Variants in TTN observed in about 807,000 individuals in gnomAD.
The protein encoded by TTN is connectin.
TTN carries 1,525 observed loss-of-function variants against 3,223.0 expected under a neutral mutation model. That is an observed-to-expected ratio of 0.47 (90% CI 0.45 to 0.49). The LOEUF is 0.49. Ranked by LOEUF, TTN falls within the 20% of genes least tolerant of loss-of-function variation. The pLI, the probability that TTN is intolerant of heterozygous loss-of-function variation, is 0.00. For missense variants in TTN, 40,786 were observed against 43,424.0 expected (o/e 0.94, Z 5.40); for synonymous variants, 14,094 against 15,161.0 (o/e 0.93, Z 5.17).
intron 221 of TTN, 32 bp from the exon 222 acceptor site, chr2:178,640,142 TA>T: frequency 6.3e-7 from 1 of 1,597,390 alleles, no homozygotes; most frequent in Non-Finnish European, 8.5e-7. Context: ...GGCAGATTAT[TA>T]CAGGATTTTT....
At chr2:178,682,399 C>G (rs1005732115) in intron 135 of TTN, among the ~76,000 whole-genome samples, 18 of 151,878 alleles carry the variant, frequency 1.2e-4, no homozygotes, top group African/African-American at 4.1e-4. Flanking sequence ...AAACTTGTAA[C>G]CTTTTTGAAA....
chr2:178,583,064 G>A lies in TTN; in HGVS notation c.65739C>T (p.Ala21913=), dbSNP rs1284931621. ...CCAAGGTGCACAGATTCCGCTGCATGGCCATCTTTATGCCTTCTGCTGGTT... is the reference window on the plus strand; with the variant it reads ...CCAAGGTGCACAGATTCCGCTGCATAGCCATCTTTATGCCTTCTGCTGGTT... ...LLKPAEGIKM[A]MQRNLCTLEL... The change falls in exon 313 of 363, where the codon GCC becomes GCT. Residue 21913 remains alanine, a synonymous_variant. Coordinates refer to ENST00000589042, the MANE Select transcript of TTN (RefSeq NM_001267550.2). The A allele has an allele frequency of 6.2e-7, 1 of 1,611,380 alleles. No individual in the cohort carries two copies. Among genetic ancestry groups the A allele is most frequent in the South Asian group, 1.1e-5 (1 of 90,822 alleles).
At chr2:178,583,368 C>T (rs2048210187) in intron 312 of TTN, 141 bp from the exon 313 acceptor site, 1 of 903,450 alleles carries the variant, frequency 1.1e-6, no homozygotes, top group South Asian at 2.7e-5. Flanking sequence ...TTTTAATAGA[C>T]AAATAATAAC....
Position 178,634,191 on chromosome 2 carries a change from T to C in TTN, c.42416-108A>G. Reference sequence around the variant, plus strand: ...ACCCATTTCACATGGCACTTATTTATTCATCTTTCCAAATAGAGCTCCACT... The same window carrying C: ...ACCCATTTCACATGGCACTTATTTACTCATCTTTCCAAATAGAGCTCCACT... On this transcript the variant is annotated intron_variant, in intron 230 of 362. Coordinates refer to ENST00000589042, the MANE Select transcript of TTN (RefSeq NM_001267550.2). This position sits in a 1 kb window ranked among gnomAD's most constrained non-coding sequence, Gnocchi z 4.6. 1 of 1,509,290 alleles carries C rather than the reference T, an allele frequency of 6.6e-7. No homozygotes were observed. Among genetic ancestry groups the C allele is most frequent in the East Asian group, 2.3e-5 (1 of 42,636 alleles). The allele number at this position is 1,509,290 out of a possible 1,614,324, so 93.5% of individuals were successfully genotyped here.
In TTN at chr2:178,800,599, C is replaced by T. The variant is rs749010768; in HGVS notation, c.379G>A (p.Val127Met). The change falls in exon 4 of 363, where the codon GTG (valine) becomes ATG (methionine). Residue 127 changes from valine to methionine, a missense_variant. By Grantham distance (21) the Val-to-Met change is conservative. Transcript: ENST00000589042. ...ACCACAGGTGTAGGGATTCCAGTCA[C>T]TCTCACTTGGAGTCTCACTTGGCTT... Reference protein sequence around the residue: ...QGSQVRLQVRVTGIPTPVVKF... With the variant: ...QGSQVRLQVRMTGIPTPVVKF... 3.7e-6 allele frequency: 6 copies of T among 1,613,930 alleles called. No individual in the cohort carries two copies. Among genetic ancestry groups the T allele is most frequent in the Non-Finnish European group, 5.1e-6 (6 of 1,179,850 alleles).
chr2:178,695,917 T>G lies in TTN; in HGVS notation c.31155A>C (p.Glu10385Asp). The change falls in exon 114 of 363, where the codon GAA becomes GAC. Residue 10385 changes from glutamate (E) to aspartate (D), a missense_variant. Transcript: ENST00000589042. ...TTACTTCCCTTTCTTGGTAAGCCTC[T>G]TCCCACTCTTCCTCCCCTTCGTCAT... ...EGYDEGEEEWEEAYQEREVIQ... is the reference protein window; with the variant it reads ...EGYDEGEEEWDEAYQEREVIQ... 6.7e-7 allele frequency: 1 copy of G among 1,485,286 alleles called. No homozygotes were observed. The allele number at this position is 1,485,286 out of a possible 1,614,324, so 92.0% of individuals were successfully genotyped here. A position where few individuals can be genotyped will look rare whatever the true frequency, so the allele number is the denominator to read the frequency against.
Position 178,572,768 on chromosome 2 carries a change from C to T in TTN, c.73364G>A (p.Arg24455Lys). The change falls in exon 326 of 363, where the codon AGG becomes AAG. Residue 24455 changes from arginine to lysine, a missense_variant. Physicochemically the swap from Arg to Lys is conservative, Grantham distance 26. Transcript: ENST00000589042. ...TLRLFVPIKG[R>K]PAPEVKWARD... Reference sequence around the variant, plus strand: ...GGCCCACTTCACCTCAGGTGCAGGCCTTCCTTTGATGGGAACAAAAAGTCT... The same window carrying T: ...GGCCCACTTCACCTCAGGTGCAGGCTTTCCTTTGATGGGAACAAAAAGTCT... 1 of 1,613,494 alleles carries T rather than the reference C, an allele frequency of 6.2e-7. No individual in the cohort carries two copies. The highest frequency in any genetic ancestry group is 8.5e-7 in the Non-Finnish European group (1 of 1,179,604).
intron 199 of TTN, 23 bp from the exon 200 acceptor site, chr2:178,652,954 A>G: frequency 1.2e-6 from 2 of 1,602,658 alleles, no homozygotes; most frequent in South Asian, 2.2e-5. Context: ...TAGTGAAATT[A>G]CATTTAGAAG....
chr2:178,794,286 G>A lies in TTN; in HGVS notation c.1398+113C>T, dbSNP rs535412104. The A allele has an allele frequency of 8.6e-5, 130 of 1,502,968 alleles. No individual in the cohort carries two copies. In the African/African-American group the frequency reaches 1.5e-3, roughly 17 times the overall value. 93.1% of individuals were successfully genotyped at this position (1,502,968 alleles called of 1,614,324 possible). Reference sequence around the variant, plus strand: ...TCTGGGCCCTGCTGGGCTCAAGGCTGTCTTCAGAATGAATTGAGCACAGCT... The same window carrying A: ...TCTGGGCCCTGCTGGGCTCAAGGCTATCTTCAGAATGAATTGAGCACAGCT... On this transcript the variant is annotated intron_variant, in intron 8 of 362. Transcript: ENST00000589042.
At position 178,706,643 on chromosome 2, in the gene TTN, C is replaced by T. The variant is rs760305440; in HGVS notation, c.29231G>A (p.Arg9744His). 5.3e-5 allele frequency: 85 copies of T among 1,613,750 alleles called. 1 individual carries two copies. The highest frequency in any genetic ancestry group is 1.6e-4 in the Middle Eastern group (1 of 6,084). ...GKWRQLNQGG[R>H]VFIHQKGDEA... ...ATCGCCTTTTTGGTGGATGAAAACA[C>T]GACCTCCTTGGTTCAGCTGTCTCCA... The change falls in exon 102 of 363, where the codon CGT becomes CAT. Residue 9744 changes from arginine (R) to histidine (H), a missense_variant. Transcript: ENST00000589042.
intron 239 of TTN, among the ~76,000 whole-genome samples, chr2:178,629,911 T>C (rs2059586415): frequency 1.3e-5 from 2 of 152,066 alleles, no homozygotes; most frequent in African/African-American, 2.4e-5. Flanking sequence ...GGTGCTCTAG[T>C]TGCACAGCCA....
At position 178,565,958 on chromosome 2, in the gene TTN, G is replaced by A. The variant is rs772603198; in HGVS notation, c.80174C>T (p.Ser26725Leu). ...VKNYVIDKRE[S>L]TRKAYANVSS... The stretch of plus-strand genomic sequence containing the variant: ...CACATTAGCATACGCTTTTCTGGTT[G>A]ACTCACGTTTGTCAATCACATAGTT... The change falls in exon 326 of 363, where the codon TCA (serine) becomes TTA (leucine). Residue 26725 changes from serine to leucine, a missense_variant. Transcript: ENST00000589042. 6.2e-7 allele frequency: 1 copy of A among 1,613,546 alleles called. No individual in the cohort carries two copies. Among genetic ancestry groups the A allele is most frequent in the Non-Finnish European group, 8.5e-7 (1 of 1,179,650 alleles).
intron 282 of TTN, among the ~76,000 whole-genome samples, chr2:178,602,804 T>C (rs369330782): frequency 1.3e-5 from 2 of 152,092 alleles, no homozygotes; most frequent in South Asian, 4.1e-4. Context: ...AGCAAACAAC[T>C]AACTGGGAAT....
chr2:178,757,401 G>T, intron 45 of TTN, 141 bp downstream of exon 45: 1 of 1,075,464 alleles, frequency 9.3e-7, no homozygotes, highest in Non-Finnish European at 1.2e-6. Context: ...GACCTAGCGG[G>T]AGTTATTGCA....
intron 350 of TTN, chr2:178,541,080 A>T (rs3820978): frequency 4.1e-5 from 17 of 416,604 alleles, no homozygotes; most frequent in African/African-American, 3.5e-4. Flanking sequence ...AATCGCTAGC[A>T]GCTGGGGTGG....
rs1423024320 is a variant in TTN, at chr2:178,614,916, C to T, written c.48691G>A (p.Ala16231Thr). The change falls in exon 260 of 363, where the codon GCC becomes ACC. Residue 16231 changes from alanine (A) to threonine (T), a missense_variant. Transcript: ENST00000589042. ...TTGCTAGCACCCTGCCTGTTTAAGG[C>T]CTTCACGCGGTAGGCATACCATTTG... ...EGKWYAYRVKALNRQGASKPS... is the reference protein window; with the variant it reads ...EGKWYAYRVKTLNRQGASKPS... The T allele has an allele frequency of 1.3e-6, 2 of 1,591,292 alleles. No homozygotes were observed. The highest frequency in any genetic ancestry group is 1.8e-5 in the Admixed American group (1 of 56,752).
chr2:178,616,950 A>G lies in TTN; in HGVS notation c.47939T>C (p.Ile15980Thr), dbSNP rs1299741531. Residue 15980 changes from isoleucine to threonine, a missense_variant, in exon 256 of 363, where the codon ATC (isoleucine) becomes ACC (threonine). Coordinates refer to ENST00000589042, the MANE Select transcript of TTN (RefSeq NM_001267550.2). ...GCCTGTACTTGGAACCAGGATCGTG[A>G]TAGGATTTGGGACAATAACTTCCAG... ...DGLEVIVPNP[I>T]TILVPSTGYP... 2 of 1,612,710 alleles carry G rather than the reference A, an allele frequency of 1.2e-6. No homozygotes were observed. Among genetic ancestry groups the G allele is most frequent in the Admixed American group, 3.3e-5 (2 of 59,936 alleles).
In TTN at chr2:178,719,283, G is replaced by A. The variant is rs200598509; in HGVS notation, c.24107C>T (p.Ser8036Leu). Reference protein sequence around the residue: ...VSGPKCQSSFSENVCTLNLSL... With the variant: ...VSGPKCQSSFLENVCTLNLSL... ...CAGATTCAAAGTACAGACGTTTTCCGAAAAGCTGGACTGACATTTGGGCCC... is the reference window on the plus strand; with the variant it reads ...CAGATTCAAAGTACAGACGTTTTCCAAAAAGCTGGACTGACATTTGGGCCC... The change falls in exon 83 of 363, where the codon TCG becomes TTG. Residue 8036 changes from serine (S) to leucine (L), a missense_variant. Transcript: ENST00000589042. 5.8e-5 allele frequency: 94 copies of A among 1,613,738 alleles called. No homozygotes were observed. The Middle Eastern group carries it at 4.0e-3, about 68-fold the overall frequency.
At position 178,767,797 on chromosome 2, in the gene TTN, T is replaced by C; in HGVS notation, c.9433A>G (p.Arg3145Gly). ...VSTAKLFVEG[R>G]DVRIRSIKKE... ...TTAATACTTCGGATGCGAACATCTC[T>C]GCCTTCTACAAAGAGTTTTGCAGTT... Residue 3145 changes from arginine (R) to glycine (G), a missense_variant, in exon 40 of 363, where the codon AGA (arginine) becomes GGA (glycine). By Grantham distance (125) the Arg-to-Gly change is moderately radical. Transcript: ENST00000589042. 1.2e-6 allele frequency: 2 copies of C among 1,614,182 alleles called. No individual in the cohort carries two copies. The highest frequency in any genetic ancestry group is 1.7e-6 in the Non-Finnish European group (2 of 1,180,008).
Sources: allele counts gnomAD v4.1 joint callset (sites outside exome capture counted in the v4.1 genomes callset), GRCh38; gene constraint gnomAD v4.1.1; non-coding constraint Gnocchi (gnomAD v3.1); transcripts MANE v1.5; gene names NCBI Gene and HGNC (gene_info 2026-07-23, HGNC 2026-07-21).